Variants in DOK5 observed in about 807,000 individuals in gnomAD.
The protein encoded by DOK5 is downstream of tyrosine kinase 5.
Under a neutral mutation model 43.3 loss-of-function variants are expected in DOK5, and 27 were observed. The observed-to-expected ratio is 0.62, with a 90% confidence interval of 0.46 to 0.86. The LOEUF (loss-of-function observed/expected upper bound fraction) is 0.86. Among genes scored for constraint, DOK5 ranks in the 40% least tolerant of loss-of-function variants. The pLI is 0.00. For synonymous variants in DOK5, 146 were observed against 140.1 expected (o/e 1.04, Z -0.30); for missense variants, 373 against 392.9 (o/e 0.95, Z 0.43).
intron 2 of DOK5, among the ~76,000 whole-genome samples, chr20:54,576,159 C>T (rs752390884): frequency 2.6e-5 from 4 of 152,118 alleles, no homozygotes; most frequent in Non-Finnish European, 4.4e-5. Context: ...ATTGATTTAA[C>T]ATCTATATCA....
Position 54,479,736 on chromosome 20 carries a change from A to C in DOK5, c.66+3724A>C, listed in dbSNP as rs575332185. Among the ~76,000 whole-genome samples, 4 of 152,252 alleles carry C rather than the reference A, an allele frequency of 2.6e-5. No homozygotes were observed. In the East Asian group the frequency reaches 7.7e-4, roughly 29 times the overall value. The stretch of plus-strand genomic sequence containing the variant: ...CCTCTTTTCTGACCTCCACTCATGT[A>C]AATTCTCCTGTCTATCCCACATCTC... On this transcript the variant is annotated intron_variant, in intron 1 of 7. Transcript: ENST00000262593.
chr20:54,614,969 C>A lies in DOK5; in HGVS notation c.735+4446C>A, dbSNP rs1357116920. Among the ~76,000 whole-genome samples, 3 of 152,224 alleles carry A rather than the reference C, an allele frequency of 2.0e-5. No homozygotes were observed. In the East Asian group the frequency reaches 5.8e-4, roughly 29 times the overall value. ...TCCACATAGCCCTGGCTACATTCCC[C>A]ACTAGGAATTGCCTTTATATGACTG... On this transcript the variant is annotated intron_variant, in intron 6 of 7. Coordinates refer to ENST00000262593, the MANE Select transcript of DOK5 (RefSeq NM_018431.5).
Position 54,544,917 on chromosome 20 carries a change from A to T in DOK5, c.67-10016A>T, listed in dbSNP as rs77429051. Among the ~76,000 whole-genome samples, 4 of 152,344 alleles carry T rather than the reference A, an allele frequency of 2.6e-5. No individual in the cohort carries two copies. In the East Asian group the frequency reaches 5.8e-4, roughly 22 times the overall value. ...AATTGAAGAAGCAGCAAATCTTGTG[A>T]CTTCCAGAATCATGGCTGGTAATTC... On this transcript the variant is annotated intron_variant, in intron 1 of 7. Coordinates refer to ENST00000262593, the MANE Select transcript of DOK5 (RefSeq NM_018431.5).
chr20:54,564,821 G>A (rs75839992), intron 2 of DOK5, among the ~76,000 whole-genome samples: 3,995 of 152,178 alleles, frequency 0.026, 83 homozygotes, highest in East Asian at 0.099. Flanking sequence ...GAGGATTCCC[G>A]TCACCCTTAG....
chr20:54,530,320 G>T (rs1222677321), intron 1 of DOK5, among the ~76,000 whole-genome samples: 2 of 152,160 alleles, frequency 1.3e-5, no homozygotes, highest in Admixed American at 6.6e-5. Context: ...TGGCTGTTCA[G>T]GGGGCCAGCA....
At chr20:54,632,398 C>T (rs1319314345) in intron 6 of DOK5, among the ~76,000 whole-genome samples, 1 of 152,198 alleles carries the variant, frequency 6.6e-6, no homozygotes, top group Admixed American at 6.5e-5. Context: ...ATGAATGCTT[C>T]TATTATGACC....
chr20:54,498,810 C>G lies in DOK5; in HGVS notation c.66+22798C>G, dbSNP rs74343182. 7.0e-3 allele frequency among the ~76,000 whole-genome samples: 1,068 copies of G among 152,144 alleles called. 12 individuals carry two copies. The highest frequency in any genetic ancestry group is 0.024 in the African/African-American group (984 of 41,512). Reference sequence around the variant, plus strand: ...ATTTTTGCAGATTTTCACTCTTTAGCCAAAAAAGACTTTTTTTCTCCCCTG... The same window carrying G: ...ATTTTTGCAGATTTTCACTCTTTAGGCAAAAAAGACTTTTTTTCTCCCCTG... On this transcript the variant is annotated intron_variant, in intron 1 of 7. Transcript: ENST00000262593.
intron 1 of DOK5, among the ~76,000 whole-genome samples, chr20:54,488,675 C>T (rs879457508): frequency 2.0e-5 from 3 of 148,000 alleles, no homozygotes; most frequent in Non-Finnish European, 4.5e-5. Flanking sequence ...TTTTTCCTTC[C>T]CTCCTTCCTT....
At chr20:54,532,796 G>A (rs10485786) in intron 1 of DOK5, among the ~76,000 whole-genome samples, 10,163 of 152,294 alleles carry the variant, frequency 0.067, 471 homozygotes, top group African/African-American at 0.13. Flanking sequence ...CCTGCGATCT[G>A]AGTGGCATTT....
At chr20:54,621,935 C>T (rs948029652) in intron 6 of DOK5, among the ~76,000 whole-genome samples, 1 of 152,128 alleles carries the variant, frequency 6.6e-6, no homozygotes, top group Admixed American at 6.5e-5. Flanking sequence ...CAGCTCACAC[C>T]TGTAATCCCA....
At chr20:54,499,133 A>G (rs1982502926) in intron 1 of DOK5, among the ~76,000 whole-genome samples, 1 of 152,242 alleles carries the variant, frequency 6.6e-6, no homozygotes, top group Non-Finnish European at 1.5e-5. Context: ...GAACTTGGGA[A>G]TGTTTAATTA....
intron 1 of DOK5, among the ~76,000 whole-genome samples, chr20:54,527,353 T>C (rs1488012776): frequency 6.6e-6 from 1 of 152,210 alleles, no homozygotes; most frequent in Admixed American, 6.6e-5. Context: ...TTCATGTGCT[T>C]AGGATTTTAT....
At chr20:54,589,132 T>A (rs531757539) in intron 4 of DOK5, among the ~76,000 whole-genome samples, 1 of 152,332 alleles carries the variant, frequency 6.6e-6, no homozygotes, top group Admixed American at 6.5e-5. Flanking sequence ...GGTGTAGGTA[T>A]AATTACTTCC....
At chr20:54,647,581 T>C (rs187545553) in intron 7 of DOK5, among the ~76,000 whole-genome samples, 2 of 152,184 alleles carry the variant, frequency 1.3e-5, no homozygotes, top group African/African-American at 4.8e-5. Context: ...TTGAATACTA[T>C]TCACTGGATT....
intron 1 of DOK5, among the ~76,000 whole-genome samples, chr20:54,552,740 A>G (rs902150495): frequency 2.0e-5 from 3 of 152,246 alleles, no homozygotes; most frequent in Admixed American, 6.5e-5. Flanking sequence ...ATTCGGTGGG[A>G]TCAGACACAT....
chr20:54,522,629 C>T (rs1983449205), intron 1 of DOK5, among the ~76,000 whole-genome samples: 1 of 151,438 alleles, frequency 6.6e-6, no homozygotes, highest in Middle Eastern at 3.4e-3. Flanking sequence ...AAGCAACTCT[C>T]CTGCCTCAGC....
chr20:54,554,861 C>G, intron 1 of DOK5, 72 bp from the exon 2 acceptor site: 2 of 974,842 alleles, frequency 2.1e-6, no homozygotes, highest in Non-Finnish European at 1.6e-6. Flanking sequence ...GTGAAAACAT[C>G]AAAAAGAAAA....
At chr20:54,506,980 T>A (rs1470689518) in intron 1 of DOK5, among the ~76,000 whole-genome samples, 1 of 152,216 alleles carries the variant, frequency 6.6e-6, no homozygotes, top group Non-Finnish European at 1.5e-5. Flanking sequence ...TCTATCTATA[T>A]CCTTGTCCTC....
At chr20:54,538,923 A>T (rs1435122883) in intron 1 of DOK5, among the ~76,000 whole-genome samples, 1 of 152,174 alleles carries the variant, frequency 6.6e-6, no homozygotes, top group Non-Finnish European at 1.5e-5. Context: ...AAAAAAGCCA[A>T]ATCGAAAAGG....
Sources: gnomAD v4.1 joint callset for allele counts (sites outside exome capture counted in the v4.1 genomes callset) on GRCh38, gnomAD v4.1.1 for gene constraint, MANE v1.5 for transcripts, NCBI Gene and HGNC (gene_info 2026-07-23, HGNC 2026-07-21) for gene names.